Variants in FANCA observed in about 807,000 individuals in gnomAD.
The protein encoded by FANCA is Fanconi anemia group A protein.
A neutral mutation model predicts 194.3 loss-of-function variants in FANCA; 236 were observed. That is an observed-to-expected ratio of 1.21 (90% CI 1.09 to 1.35). The LOEUF (loss-of-function observed/expected upper bound fraction) is 1.35, where lower values mean the gene tolerates loss of function less well. Among genes scored for constraint, FANCA ranks in the 40% most tolerant of loss-of-function variants. The pLI, the probability that FANCA is intolerant of heterozygous loss-of-function variation, is 0.00. For missense variants in FANCA, 2,628 were observed against 1,813.9 expected (o/e 1.45, Z -8.15); for synonymous variants, 1,014 against 715.8 (o/e 1.42, Z -6.65).
intron 29 of FANCA, among the ~76,000 whole-genome samples, chr16:89,759,322 A>ATT (rs2038868315): frequency 1.1e-5 from 1 of 87,196 alleles, no homozygotes; most frequent in East Asian, 3.3e-4. Context: ...TCCGTCTAAA[A>ATT]AAAAAAAAAA....
chr16:89,780,018 A>C (rs2039647072), intron 17 of FANCA, 61 bp from the exon 18 acceptor site: 2 of 1,420,150 alleles, frequency 1.4e-6, no homozygotes, highest in Non-Finnish European at 2.0e-6. Flanking sequence ...AAGACTGAGC[A>C]GTGAAGGCCA....
In FANCA at chr16:89,791,985, C is replaced by A; in HGVS notation, c.1167G>T (p.Val389=). 6.2e-7 allele frequency: 1 copy of A among 1,614,186 alleles called. No individual in the cohort carries two copies. The highest frequency in any genetic ancestry group is 8.5e-7 in the Non-Finnish European group (1 of 1,180,020). ...CAACCAGGGCAGACACAAAGGAGAGCACTCTCTGCCAGTGAACCTCCTGCG... is the reference window on the plus strand; with the variant it reads ...CAACCAGGGCAGACACAAAGGAGAGAACTCTCTGCCAGTGAACCTCCTGCG... ...LETQEVHWQR[V]LSFVSALVVC... is the part of the protein sequence containing the mutation. The change falls in exon 13 of 43, where the codon GTG becomes GTT. Residue 389 remains valine (V), a synonymous_variant. Coordinates refer to ENST00000389301, the MANE Select transcript of FANCA (RefSeq NM_000135.4).
intron 14 of FANCA, among the ~76,000 whole-genome samples, chr16:89,786,407 T>A (rs1442192732): frequency 1.3e-5 from 2 of 152,162 alleles, no homozygotes; most frequent in Admixed American, 1.3e-4. Flanking sequence ...ACTCTTGAAC[T>A]CCTGACCTCA....
intron 33 of FANCA, among the ~76,000 whole-genome samples, chr16:89,747,750 C>T (rs952576764): frequency 2.0e-5 from 3 of 152,068 alleles, no homozygotes; most frequent in African/African-American, 7.2e-5. Context: ...TGCTGCACAG[C>T]TGGCATGGAA....
At chr16:89,798,831 G>A in intron 10 of FANCA, 3 of 1,487,130 alleles carry the variant, frequency 2.0e-6, no homozygotes, top group Non-Finnish European at 2.7e-6. Context: ...TCTAGAGCCT[G>A]AATCACACCC....
At chr16:89,771,858 G>A (rs2039338874) in intron 22 of FANCA, 44 bp from the exon 23 acceptor site, 2 of 1,611,588 alleles carry the variant, frequency 1.2e-6, no homozygotes, top group African/African-American at 1.3e-5. Flanking sequence ...AACCCCGAAA[G>A]GAGGGATACA....
At position 89,749,784 on chromosome 16, in the gene FANCA, C is replaced by A; in HGVS notation, c.3185G>T (p.Gly1062Val). Residue 1062 changes from glycine to valine, a missense_variant, in exon 32 of 43, where the codon GGG becomes GTG. Transcript: ENST00000389301. ...FRRRLQALTS[G>V]WSVAASLQRQ... ...CTGAAGGCTGGCAGCCACGCTCCACCCGCTTGTCAGAGCCTGGAGCCGTCT... is the reference window on the plus strand; with the variant it reads ...CTGAAGGCTGGCAGCCACGCTCCACACGCTTGTCAGAGCCTGGAGCCGTCT... The A allele has an allele frequency of 1.2e-6, 2 of 1,614,244 alleles. No individual in the cohort carries two copies. Among genetic ancestry groups the A allele is most frequent in the Non-Finnish European group, 1.7e-6 (2 of 1,180,046 alleles).
In FANCA at chr16:89,739,267, C is replaced by G. The variant is rs1394184058; in HGVS notation, c.4033G>C (p.Asp1345His). 2.8e-5 allele frequency: 46 copies of G among 1,614,048 alleles called. No individual in the cohort carries two copies. Among genetic ancestry groups the G allele is most frequent in the Non-Finnish European group, 3.9e-5 (46 of 1,180,062 alleles). ...AAGGCCTCTTCCCTGATGGCCGCGT[C>G]TTCATGGAAGTAGGAGAGAAGACTA... ...FYSLLSYFHE[D>H]AAIREEAFLH... The change falls in exon 41 of 43, where the codon GAC becomes CAC. Residue 1345 changes from aspartate (D) to histidine (H), a missense_variant. Physicochemically the swap from Asp to His is moderately conservative, Grantham distance 81 (BLOSUM62 -1). Coordinates refer to ENST00000389301, the MANE Select transcript of FANCA (RefSeq NM_000135.4).
At position 89,738,965 on chromosome 16, in the gene FANCA, C is replaced by A. The variant is rs199652831; in HGVS notation, c.4177G>T (p.Val1393Leu). ...SLELKGQGNP[V>L]ELITKARLFL... is the part of the protein sequence containing the mutation. ...AGACGAGCTTTTGTTATCAGTTCCACGGGGTTGCCCTAGAGAGAAAACAGG... is the reference window on the plus strand; with the variant it reads ...AGACGAGCTTTTGTTATCAGTTCCAAGGGGTTGCCCTAGAGAGAAAACAGG... Residue 1393 changes from valine (V) to leucine (L), a missense_variant, in exon 42 of 43, where the codon GTG becomes TTG. Transcript: ENST00000389301. The A allele has an allele frequency of 6.2e-7, 1 of 1,614,232 alleles. No homozygotes were observed. The highest frequency in any genetic ancestry group is 1.1e-5 in the South Asian group (1 of 91,086).
At chr16:89,776,799 G>A (rs1392813595) in intron 20 of FANCA, among the ~76,000 whole-genome samples, 1 of 151,964 alleles carries the variant, frequency 6.6e-6, no homozygotes, top group Non-Finnish European at 1.5e-5. Context: ...CCACTGCACT[G>A]CAGACTGGCT....
chr16:89,776,505 G>C (rs1206250928), intron 20 of FANCA, among the ~76,000 whole-genome samples: 1 of 151,184 alleles, frequency 6.6e-6, no homozygotes. Flanking sequence ...TTAATACTAA[G>C]AAAAACGTTT....
At chr16:89,749,699 G>T (rs374841350) in intron 32 of FANCA, 31 bp downstream of exon 32, 134 of 1,601,188 alleles carry the variant, frequency 8.4e-5, no homozygotes, top group Middle Eastern at 3.3e-4. Context: ...CCCAGGTGGT[G>T]CTGCCCTGCC....
chr16:89,742,686 C>G, intron 37 of FANCA, 114 bp downstream of exon 37: 2 of 921,500 alleles, frequency 2.2e-6, no homozygotes, highest in Non-Finnish European at 3.3e-6. Flanking sequence ...AGTCTTGCTC[C>G]AAGCCACATA....
rs1313828842 is a variant in FANCA, at chr16:89,799,157, G to A, written c.893+9C>T. ...TGCACACTCAGGCAGGCCACCCTCA[G>A]GAACATACCAGCACCTCACGATCTT... On this transcript the variant is annotated intron_variant, in intron 10 of 42. Coordinates refer to ENST00000389301, the MANE Select transcript of FANCA (RefSeq NM_000135.4). The A allele has an allele frequency of 5.6e-6, 9 of 1,614,026 alleles. No homozygotes were observed. Among genetic ancestry groups the A allele is most frequent in the Non-Finnish European group, 6.8e-6 (8 of 1,180,046 alleles).
chr16:89,792,158 G>A (rs935064324), intron 12 of FANCA, 90 bp from the exon 13 acceptor site: 24 of 1,479,800 alleles, frequency 1.6e-5, no homozygotes, highest in Admixed American at 1.2e-4. Flanking sequence ...GGTGGCCACC[G>A]CAGCCCCCTC....
At chr16:89,809,195 T>C (rs1399801262) in intron 5 of FANCA, among the ~76,000 whole-genome samples, 1 of 151,306 alleles carries the variant, frequency 6.6e-6, no homozygotes, top group Admixed American at 6.6e-5. Flanking sequence ...TGTGAGCCAC[T>C]GGGCCCGGCC....
chr16:89,783,757 G>A (rs1322787643), intron 15 of FANCA, among the ~76,000 whole-genome samples: 4 of 151,946 alleles, frequency 2.6e-5, no homozygotes, highest in African/African-American at 9.7e-5. Context: ...GGGACAGAGG[G>A]GACACAGCGT....
intron 30 of FANCA, 83 bp from the exon 31 acceptor site, chr16:89,752,305 G>C (rs2038623925): frequency 1.8e-6 from 2 of 1,094,554 alleles, no homozygotes; most frequent in East Asian, 2.4e-5. Context: ...CTCCGGAGCT[G>C]AGTGATGGCT....
intron 21 of FANCA, among the ~76,000 whole-genome samples, chr16:89,774,821 C>A (rs968360791): frequency 2.7e-5 from 4 of 147,190 alleles, no homozygotes; most frequent in African/African-American, 1.0e-4. Context: ...GGGCTGGGTA[C>A]GGTTGCTCAT....
Sources: allele counts gnomAD v4.1 joint callset (sites outside exome capture counted in the v4.1 genomes callset), GRCh38; gene constraint gnomAD v4.1.1; transcripts MANE v1.5; gene names NCBI Gene and HGNC (gene_info 2026-07-23, HGNC 2026-07-21).